Variants in PLD5 observed in about 807,000 individuals in gnomAD.
PLD5 encodes inactive phospholipase D5.
Under a neutral mutation model 61.1 loss-of-function variants are expected in PLD5, and 36 were observed. The ratio of observed to expected loss-of-function variants is 0.59; its 90% CI spans 0.45 to 0.78. The LOEUF is 0.78. Among genes scored for constraint, PLD5 ranks in the 30% least tolerant of loss-of-function variants. PLD5 has a pLI of 0.00. For missense variants in PLD5, 515 were observed against 644.4 expected, an observed-to-expected ratio of 0.80 and a Z score of 2.17; for synonymous variants, 243 against 242.8, an observed-to-expected ratio of 1.00 and a Z score of -0.01.
chr1:242,410,868 CACAG>C lies in PLD5; in HGVS notation c.190-62630_190-62627del, dbSNP rs1227996885. ...AGGTCTTAGGTGATCAAGCACTACC[CACAG>C]ACAGAGAATGGAAGTCAACTGATCA... On this transcript the variant is annotated intron_variant, in intron 1 of 9. Transcript: ENST00000536534. 4.0e-5 allele frequency among the ~76,000 whole-genome samples: 6 copies of C among 149,408 alleles called. No homozygotes were observed. The East Asian group carries it at 1.0e-3, about 25-fold the overall frequency.
At chr1:242,122,197 C>T (rs1314639308) in intron 6 of PLD5, among the ~76,000 whole-genome samples, 2 of 152,074 alleles carry the variant, frequency 1.3e-5, no homozygotes, top group African/African-American at 4.8e-5. Context: ...TGAATTTGCC[C>T]TAGAAAATAA....
At chr1:242,305,703 A>T (rs1339070406) in intron 2 of PLD5, among the ~76,000 whole-genome samples, 2 of 152,156 alleles carry the variant, frequency 1.3e-5, no homozygotes, top group African/African-American at 4.8e-5. Context: ...CTTGGACTAC[A>T]GGTGCGTGCC....
intron 1 of PLD5, among the ~76,000 whole-genome samples, chr1:242,509,723 A>T (rs992298819): frequency 1.3e-5 from 2 of 152,148 alleles, no homozygotes; most frequent in Non-Finnish European, 2.9e-5. Flanking sequence ...ATGATAATTA[A>T]TTTCATTTTT....
At chr1:242,343,316 G>A (rs540551452) in intron 2 of PLD5, among the ~76,000 whole-genome samples, 16 of 152,214 alleles carry the variant, frequency 1.1e-4, no homozygotes, top group African/African-American at 3.1e-4. Flanking sequence ...GACAACACAC[G>A]GAGAAAAGCA....
At chr1:242,371,457 G>A (rs535538023) in intron 1 of PLD5, among the ~76,000 whole-genome samples, 72 of 152,136 alleles carry the variant, frequency 4.7e-4, no homozygotes, top group East Asian at 1.9e-3. Flanking sequence ...GAACAGAAGC[G>A]TACTGAATCA....
intron 1 of PLD5, among the ~76,000 whole-genome samples, chr1:242,422,734 G>A (rs982737761): frequency 1.3e-5 from 2 of 152,082 alleles, no homozygotes; most frequent in Non-Finnish European, 1.5e-5. Context: ...CGTGAAAAAT[G>A]ACCTGTTTCT....
At chr1:242,263,311 A>G (rs908164927) in intron 4 of PLD5, among the ~76,000 whole-genome samples, 2 of 151,580 alleles carry the variant, frequency 1.3e-5, no homozygotes, top group African/African-American at 4.9e-5. Context: ...TTCGTGGGAT[A>G]TTTCTGGAAA....
intron 2 of PLD5, among the ~76,000 whole-genome samples, chr1:242,328,241 T>G (rs28719041): frequency 2.0e-5 from 3 of 152,108 alleles, no homozygotes; most frequent in Non-Finnish European, 4.4e-5. Flanking sequence ...TTCTAGATTA[T>G]CAAGATGAAC....
chr1:242,503,354 C>T (rs1010680275), intron 1 of PLD5, among the ~76,000 whole-genome samples: 26 of 152,202 alleles, frequency 1.7e-4, no homozygotes, highest in African/African-American at 5.8e-4. Flanking sequence ...CCTGCTTCTG[C>T]TTTGCCTTCC....
At chr1:242,498,010 G>T (rs1367117550) in intron 1 of PLD5, among the ~76,000 whole-genome samples, 1 of 151,944 alleles carries the variant, frequency 6.6e-6, no homozygotes, top group African/African-American at 2.4e-5. Flanking sequence ...TGTCACCCAG[G>T]CTGGAGTGCA....
At chr1:242,242,012 GACACACAC>G (rs377737578) in intron 4 of PLD5, among the ~76,000 whole-genome samples, 12 of 106,058 alleles carry the variant, frequency 1.1e-4, no homozygotes, top group Admixed American at 2.2e-4. Context: ...TATATATATA[GACACACAC>G]ACACACACAC....
chr1:242,403,734 A>G (rs1424432108), intron 1 of PLD5, among the ~76,000 whole-genome samples: 1 of 151,906 alleles, frequency 6.6e-6, no homozygotes, highest in African/African-American at 2.4e-5. Flanking sequence ...TGGATAGGCT[A>G]TTTTGAGAGG....
intron 1 of PLD5, among the ~76,000 whole-genome samples, chr1:242,351,074 T>C (rs1660450524): frequency 1.3e-5 from 2 of 152,040 alleles, no homozygotes; most frequent in Non-Finnish European, 2.9e-5. Flanking sequence ...GCTAATTTTA[T>C]ATTTTTAGTA....
At chr1:242,197,236 C>G (rs1476474547) in intron 5 of PLD5, among the ~76,000 whole-genome samples, 1 of 152,190 alleles carries the variant, frequency 6.6e-6, no homozygotes, top group African/African-American at 2.4e-5. Flanking sequence ...CTCACCCTCA[C>G]CCTGACCTAT....
At chr1:242,174,108 G>C (rs1349102663) in intron 5 of PLD5, among the ~76,000 whole-genome samples, 1 of 152,100 alleles carries the variant, frequency 6.6e-6, no homozygotes, top group African/African-American at 2.4e-5. Context: ...AGAGTGAACA[G>C]GCAACCTACA....
intron 4 of PLD5, among the ~76,000 whole-genome samples, chr1:242,244,380 G>A (rs566471028): frequency 1.3e-5 from 2 of 152,312 alleles, no homozygotes; most frequent in Non-Finnish European, 1.5e-5. Context: ...TGGGGACAAA[G>A]AGGAGACAAC....
At chr1:242,163,363 T>C (rs1415005190) in intron 5 of PLD5, among the ~76,000 whole-genome samples, 2 of 152,040 alleles carry the variant, frequency 1.3e-5, no homozygotes, top group African/African-American at 2.4e-5. Context: ...CAGGATGGTC[T>C]CCATCTCCTG....
At chr1:242,092,511 A>C (rs538949823) in intron 9 of PLD5, among the ~76,000 whole-genome samples, 2 of 152,162 alleles carry the variant, frequency 1.3e-5, no homozygotes, top group African/African-American at 2.4e-5. Flanking sequence ...CGAAATTACC[A>C]CTAGGCCAGG....
At chr1:242,395,034 A>ATT (rs1553366925) in intron 1 of PLD5, among the ~76,000 whole-genome samples, 11 of 106,332 alleles carry the variant, frequency 1.0e-4, no homozygotes, top group African/African-American at 4.8e-4. Flanking sequence ...TGTATATATG[A>ATT]ATGTATATGT....
Sources: allele counts gnomAD v4.1 joint callset (sites outside exome capture counted in the v4.1 genomes callset), GRCh38; gene constraint gnomAD v4.1.1; transcripts MANE v1.5; gene names NCBI Gene and HGNC (gene_info 2026-07-23, HGNC 2026-07-21).